CREBBP: variants seen among roughly 807,000 people sequenced by gnomAD.
The protein encoded by CREBBP is CREB binding lysine acetyltransferase.
In CREBBP, 19 loss-of-function variants were observed where a neutral mutation model predicts 265.0. The ratio of observed to expected loss-of-function variants is 0.07; its 90% CI spans 0.05 to 0.11. The LOEUF is 0.11. CREBBP is among the 10% of genes least tolerant of loss of function. CREBBP has a pLI of 1.00. For synonymous variants in CREBBP, 1,457 were observed against 1,223.7 expected (o/e 1.19, Z -3.98); for missense variants, 2,525 against 3,219.0 (o/e 0.78, Z 5.22).
chr16:3,830,837 A>G (rs2054328653), intron 2 of CREBBP, among the ~76,000 whole-genome samples: 1 of 152,186 alleles, frequency 6.6e-6, no homozygotes, highest in Non-Finnish European at 1.5e-5. Flanking sequence ...GCTGAAGTGC[A>G]GTGGCGCGAT....
At chr16:3,870,848 A>G (rs1038735628) in intron 1 of CREBBP, among the ~76,000 whole-genome samples, 1 of 152,118 alleles carries the variant, frequency 6.6e-6, no homozygotes, top group Admixed American at 6.6e-5. Context: ...ATGTACCAAG[A>G]TAATCAAAGT....
At chr16:3,807,007 A>G (rs1328225258) in intron 3 of CREBBP, among the ~76,000 whole-genome samples, 1 of 152,174 alleles carries the variant, frequency 6.6e-6, no homozygotes, top group East Asian at 1.9e-4. Flanking sequence ...TGAACCGCTG[A>G]GTGCTACGCA....
chr16:3,808,057 G>A (rs1022463474), intron 3 of CREBBP, among the ~76,000 whole-genome samples: 4 of 145,636 alleles, frequency 2.7e-5, no homozygotes, highest in African/African-American at 1.0e-4. Flanking sequence ...TGCTTTCTCA[G>A]TTTACCCTGA....
intron 16 of CREBBP, among the ~76,000 whole-genome samples, chr16:3,767,072 G>C (rs368031774): frequency 5.9e-5 from 9 of 152,232 alleles, no homozygotes; most frequent in African/African-American, 1.9e-4. Context: ...AGGTTCACTT[G>C]ACAATTTTCT....
intron 7 of CREBBP, 39 bp downstream of exon 7, chr16:3,781,165 C>T: frequency 6.5e-7 from 1 of 1,531,004 alleles, no homozygotes; most frequent in South Asian, 1.1e-5. Context: ...AGTCCATGCT[C>T]CTGTTGGACT....
chr16:3,812,389 A>T (rs904780611), intron 2 of CREBBP, among the ~76,000 whole-genome samples: 3 of 151,594 alleles, frequency 2.0e-5, no homozygotes, highest in Admixed American at 6.6e-5. Context: ...ATGTTGGCCA[A>T]GCTGGTCTTG....
chr16:3,847,653 C>A (rs983065539), intron 2 of CREBBP, among the ~76,000 whole-genome samples: 1 of 152,134 alleles, frequency 6.6e-6, no homozygotes, highest in Admixed American at 6.6e-5. Flanking sequence ...TAAAGGAACC[C>A]CAGGATGGAA....
intron 3 of CREBBP, among the ~76,000 whole-genome samples, chr16:3,799,465 C>G (rs191485296): frequency 1.1e-3 from 165 of 152,286 alleles, no homozygotes; most frequent in African/African-American, 3.1e-3. Flanking sequence ...TGGCAATTCT[C>G]AAGTACTCTG....
chr16:3,731,534 C>T lies in CREBBP; in HGVS notation c.4891-61G>A, dbSNP rs184307159. The T allele has an allele frequency of 7.1e-4, 1,094 of 1,547,866 alleles. 9 individuals are homozygous for T. The African/African-American group carries it at 0.013, about 18-fold the overall frequency. Reference sequence around the variant, plus strand: ...GACATGGCACCTCCAGTGGTGAGCTCAGGGCAGGCGCAGCCACCCAGCCTG... The same window carrying T: ...GACATGGCACCTCCAGTGGTGAGCTTAGGGCAGGCGCAGCCACCCAGCCTG... On this transcript the variant is annotated intron_variant, in intron 29 of 30. Transcript: ENST00000262367. The surrounding 1 kb of genome is among the most constrained non-coding windows in gnomAD (Gnocchi z 7.7).
At chr16:3,834,851 C>A (rs538055657) in intron 2 of CREBBP, among the ~76,000 whole-genome samples, 2 of 152,184 alleles carry the variant, frequency 1.3e-5, no homozygotes, top group Non-Finnish European at 2.9e-5. Context: ...TCTAAAAAAA[C>A]CCAAAATCTT....
intron 2 of CREBBP, among the ~76,000 whole-genome samples, chr16:3,837,694 C>T (rs997463457): frequency 2.9e-4 from 44 of 151,162 alleles, no homozygotes; most frequent in Admixed American, 7.9e-4. Context: ...AGTACAAATA[C>T]GTTTGTACAC....
At chr16:3,769,910 A>G (rs1429618305) in intron 14 of CREBBP, among the ~76,000 whole-genome samples, 1 of 151,958 alleles carries the variant, frequency 6.6e-6, no homozygotes, top group Non-Finnish European at 1.5e-5. Flanking sequence ...TCACTCTGTC[A>G]CCTAGGCTGG....
At chr16:3,831,100 G>C (rs1364198704) in intron 2 of CREBBP, among the ~76,000 whole-genome samples, 1 of 152,128 alleles carries the variant, frequency 6.6e-6, no homozygotes, top group Non-Finnish European at 1.5e-5. Context: ...AGTATAGATA[G>C]AATATTTGTC....
intron 1 of CREBBP, among the ~76,000 whole-genome samples, chr16:3,871,195 T>TCTCA (rs1404339203): frequency 2.1e-4 from 17 of 79,110 alleles, no homozygotes; most frequent in Non-Finnish European, 3.5e-4. Flanking sequence ...TCTCTCTCTC[T>TCTCA]CACTCACACA....
chr16:3,864,879 CA>C (rs2055146182), intron 1 of CREBBP, among the ~76,000 whole-genome samples: 1 of 152,182 alleles, frequency 6.6e-6, no homozygotes, highest in African/African-American at 2.4e-5. Flanking sequence ...CCAGCCTGGC[CA>C]ACATGGCAAA....
Position 3,880,065 on chromosome 16 carries a change from AGGCCGGGTGGGGGAGGCGGC to A in CREBBP, c.-169_-150del. 1 of 438,736 alleles carries A rather than the reference AGGCCGGGTGGGGGAGGCGGC, an allele frequency of 2.3e-6. No individual in the cohort carries two copies. The highest frequency in any genetic ancestry group is 3.5e-6 in the Non-Finnish European group (1 of 282,852). 27.2% of individuals were successfully genotyped at this position (438,736 alleles called of 1,614,324 possible). A position where few individuals can be genotyped will look rare whatever the true frequency, so the allele number is the denominator to read the frequency against. On this transcript the variant is annotated 5_prime_UTR_variant, in exon 1 of 31. Transcript: ENST00000262367. Reference sequence around the variant, plus strand: ...GGGCGCCGAGGGAGAGGGAGGGCGCAGGCCGGGTGGGGGAGGCGGCGGCCAAATCTCAGCCACAGCAACAG... The same window carrying A: ...GGGCGCCGAGGGAGAGGGAGGGCGCAGGCCAAATCTCAGCCACAGCAACAG...
rs191648236 is a variant in CREBBP, at chr16:3,833,682, C to G, written c.798+16615G>C. On this transcript the variant is annotated intron_variant, in intron 2 of 30. Coordinates refer to ENST00000262367, the MANE Select transcript of CREBBP (RefSeq NM_004380.3). Reference sequence around the variant, plus strand: ...AATGGTGTAAAACCTAGGAATTAAACAGAAATGAAAACGAGAAACTAAGCA... The same window carrying G: ...AATGGTGTAAAACCTAGGAATTAAAGAGAAATGAAAACGAGAAACTAAGCA... 1.5e-4 allele frequency among the ~76,000 whole-genome samples: 23 copies of G among 152,182 alleles called. No homozygotes were observed. The East Asian group carries it at 4.1e-3, about 27-fold the overall frequency.
intron 19 of CREBBP, among the ~76,000 whole-genome samples, chr16:3,756,781 A>AT (rs2151380834): frequency 6.6e-6 from 1 of 152,212 alleles, no homozygotes; most frequent in East Asian, 1.9e-4. Context: ...TAAAATCCAC[A>AT]TTTTCTACTC....
chr16:3,811,815 G>A (rs1043547929), intron 2 of CREBBP, among the ~76,000 whole-genome samples: 11 of 151,978 alleles, frequency 7.2e-5, no homozygotes, highest in African/African-American at 1.2e-4. Context: ...TCCTAATAAC[G>A]TTTTCTTTTC....
Sources: gnomAD v4.1 joint callset for allele counts (sites outside exome capture counted in the v4.1 genomes callset) on GRCh38, gnomAD v4.1.1 for gene constraint, Gnocchi (gnomAD v3.1) non-coding constraint, MANE v1.5 for transcripts, NCBI Gene and HGNC (gene_info 2026-07-23, HGNC 2026-07-21) for gene names.